Variants in KIF4A observed in about 807,000 individuals in gnomAD.
KIF4A encodes kinesin family member 4A.
A neutral mutation model predicts 105.9 loss-of-function variants in KIF4A; 7 were observed. The ratio of observed to expected loss-of-function variants is 0.07; its 90% CI spans 0.04 to 0.12. KIF4A has a LOEUF of 0.12. KIF4A is among the 10% of genes least tolerant of loss of function. The probability of loss-of-function intolerance (pLI) is 1.00; values close to 1 mark genes in which losing one functional copy is unlikely to be tolerated. For synonymous variants in KIF4A, 281 were observed against 331.3 expected (o/e 0.85, Z 1.65); for missense variants, 558 against 929.2 (o/e 0.60, Z 5.19).
At chrX:70,371,261 G>A (rs775681956) in intron 15 of KIF4A, among the ~76,000 whole-genome samples, 363 of 105,447 alleles carry the variant, frequency 3.4e-3, no homozygotes, top group Non-Finnish European at 5.8e-3. Context: ...ATTTAACCCT[G>A]AGTGGACACA....
intron 7 of KIF4A, among the ~76,000 whole-genome samples, chrX:70,304,649 C>CT (rs138222376): frequency 0.54 from 28,030 of 51,478 alleles, 7,895 homozygotes; most frequent in Non-Finnish European, 0.66. Context: ...TACTTCATTC[C>CT]TTTTTTTTTT....
At chrX:70,304,907 C>G (rs1006769030) in intron 7 of KIF4A, among the ~76,000 whole-genome samples, 1 of 111,227 alleles carries the variant, frequency 9.0e-6, no homozygotes, top group African/African-American at 3.3e-5. Flanking sequence ...AGTGATCCAC[C>G]CACCTTGGCC....
At chrX:70,335,736 T>A in intron 10 of KIF4A, among the ~76,000 whole-genome samples, 1 of 112,112 alleles carries the variant, frequency 8.9e-6, no homozygotes, top group South Asian at 3.7e-4. Flanking sequence ...CCAAATAATG[T>A]GTTCACATGG....
chrX:70,363,587 T>C (rs1459972247), intron 15 of KIF4A, among the ~76,000 whole-genome samples: 4 of 111,854 alleles, frequency 3.6e-5, no homozygotes, highest in Non-Finnish European at 7.5e-5. Context: ...TCATTTTTTA[T>C]GGCTACATAG....
rs368474775 is a variant in KIF4A, at chrX:70,401,059, G to A, written c.2490-1507G>A. Among the ~76,000 whole-genome samples the A allele has an allele frequency of 6.6e-5, 7 of 105,279 alleles. No homozygotes were observed. In the East Asian group the frequency reaches 1.8e-3, roughly 27 times the overall value. 91.4% of individuals were successfully genotyped at this position (105,279 alleles called of 115,157 possible). ...TGGGATTACGGGAGTGAGCCACCGC[G>A]CCCCGCCAATAGGTTTATGATTTTT... On this transcript the variant is annotated intron_variant, in intron 22 of 30. Transcript: ENST00000374403.
At chrX:70,316,594 GTAATA>G (rs2085870552) in intron 7 of KIF4A, among the ~76,000 whole-genome samples, 1 of 94,365 alleles carries the variant, frequency 1.1e-5, no homozygotes, top group Non-Finnish European at 2.0e-5. Flanking sequence ...TACATATTAT[GTAATA>G]TAATGATATC....
chrX:70,352,525 A>G, intron 13 of KIF4A, 75 bp from the exon 14 acceptor site: 2 of 785,937 alleles, frequency 2.5e-6, no homozygotes, highest in South Asian at 2.5e-5. Flanking sequence ...AAAAAAAATT[A>G]AATAACCAAT....
chrX:70,298,412 T>C (rs1278383363), intron 4 of KIF4A, among the ~76,000 whole-genome samples: 1 of 108,969 alleles, frequency 9.2e-6, no homozygotes, highest in Non-Finnish European at 1.9e-5. Flanking sequence ...TTTTAAATTT[T>C]TGTAGAGACA....
At chrX:70,419,084 CAAAAAAA>C (rs1157047497) in intron 29 of KIF4A, among the ~76,000 whole-genome samples, 1 of 57,039 alleles carries the variant, frequency 1.8e-5, no homozygotes, top group Non-Finnish European at 3.4e-5. Context: ...GACTCCATCT[CAAAAAAA>C]AAAAAAAAAG....
At chrX:70,291,608 C>A (rs956293806) in intron 3 of KIF4A, among the ~76,000 whole-genome samples, 2 of 111,704 alleles carry the variant, frequency 1.8e-5, no homozygotes, top group East Asian at 5.6e-4. Context: ...TATTCTAATA[C>A]AGTGGTTATT....
At position 70,297,515 on chromosome X, in the gene KIF4A, A is replaced by G. The variant is rs191340995; in HGVS notation, c.426+327A>G. ...GATTTCCCTTTACTGTTTAAGACTT[A>G]AATGATAATGCTGTTGCCTCATGAA... On this transcript the variant is annotated intron_variant, in intron 4 of 30. Transcript: ENST00000374403. Among the ~76,000 whole-genome samples, 8 of 112,452 alleles carry G rather than the reference A, an allele frequency of 7.1e-5. No individual in the cohort carries two copies. In the East Asian group the frequency reaches 2.2e-3, roughly 31 times the overall value.
In KIF4A at chrX:70,407,082, G is replaced by A. The variant is rs1475611879; in HGVS notation, c.3255+7G>A. 3.4e-6 allele frequency: 4 copies of A among 1,173,190 alleles called. No individual in the cohort carries two copies. The highest frequency in any genetic ancestry group is 6.3e-5 in the East Asian group (2 of 31,749). On this transcript the variant is annotated splice_region_variant and intron_variant, in intron 28 of 30. Coordinates refer to ENST00000374403, the MANE Select transcript of KIF4A (RefSeq NM_012310.5). The stretch of plus-strand genomic sequence containing the variant: ...CAGGAAGAACATCCAAGGGGTAGGA[G>A]CCAGCTCTTCAACTTTTTTTTTGTT...
chrX:70,301,058 T>C (rs1423647481), intron 5 of KIF4A, among the ~76,000 whole-genome samples: 1 of 111,498 alleles, frequency 9.0e-6, no homozygotes, highest in East Asian at 2.8e-4. Context: ...TGACTAGTAG[T>C]TGGTGATAGA....
intron 10 of KIF4A, among the ~76,000 whole-genome samples, chrX:70,340,611 C>T (rs763124767): frequency 5.4e-5 from 6 of 111,639 alleles, no homozygotes; most frequent in Non-Finnish European, 1.1e-4. Context: ...TTGAACATTC[C>T]TTCATAAGAG....
At chrX:70,415,852 G>A (rs1333807311) in intron 28 of KIF4A, among the ~76,000 whole-genome samples, 1 of 101,277 alleles carries the variant, frequency 9.9e-6, no homozygotes, top group African/African-American at 3.6e-5. Context: ...AAAATAGGAT[G>A]CATTATTTCT....
In KIF4A at chrX:70,329,427, C is replaced by T; in HGVS notation, c.801C>T (p.Leu267=). 2 of 1,210,519 alleles carry T rather than the reference C, an allele frequency of 1.7e-6. No homozygotes were observed. Among genetic ancestry groups the T allele is most frequent in the Non-Finnish European group, 2.2e-6 (2 of 894,836 alleles). Residue 267 remains leucine (L), a synonymous_variant, in exon 8 of 31, where the codon CTC becomes CTT. Transcript: ENST00000374403. ...LKEGININRG[L]LCLGNVISAL... ...TAGGTATTAATATTAACCGAGGCCT[C>T]CTATGCTTGGGAAATGTAATCAGTG...
intron 3 of KIF4A, among the ~76,000 whole-genome samples, chrX:70,293,156 A>G (rs1269545673): frequency 8.9e-6 from 1 of 112,584 alleles, no homozygotes; most frequent in Non-Finnish European, 1.9e-5. Context: ...TCAATTTAGC[A>G]TCTTCTTATG....
At chrX:70,411,820 G>A (rs1276348534) in intron 28 of KIF4A, among the ~76,000 whole-genome samples, 5 of 109,861 alleles carry the variant, frequency 4.6e-5, no homozygotes, top group South Asian at 4.0e-4. Flanking sequence ...TTGAGAGGCC[G>A]AGGTGGGAGG....
At chrX:70,337,119 T>C (rs1288879108) in intron 10 of KIF4A, among the ~76,000 whole-genome samples, 1 of 112,427 alleles carries the variant, frequency 8.9e-6, no homozygotes, top group Non-Finnish European at 1.9e-5. Flanking sequence ...TTGTATTTTG[T>C]GTATCCATTC....
Sources: gnomAD v4.1 joint callset for allele counts (sites outside exome capture counted in the v4.1 genomes callset) on GRCh38, gnomAD v4.1.1 for gene constraint, MANE v1.5 for transcripts, NCBI Gene and HGNC (gene_info 2026-07-23, HGNC 2026-07-21) for gene names.